Variants in ZGRF1 observed in about 807,000 individuals in gnomAD.
ZGRF1 encodes the protein zinc finger GRF-type containing 1.
In ZGRF1, 196 loss-of-function variants were observed where a neutral mutation model predicts 203.5. The observed-to-expected ratio is 0.96, with a 90% CI of 0.86 to 1.08. ZGRF1 has a LOEUF of 1.08. ZGRF1 is among the 50% of genes least tolerant of loss of function. The pLI is 0.00. For synonymous variants in ZGRF1, 809 were observed against 841.3 expected (o/e 0.96, Z 0.66); for missense variants, 2,326 against 2,416.3 (o/e 0.96, Z 0.78).
chr4:112,598,209 G>A (rs977323081), intron 10 of ZGRF1, among the ~76,000 whole-genome samples: 2 of 152,058 alleles, frequency 1.3e-5, no homozygotes, highest in African/African-American at 4.8e-5. Context: ...AGATGCCATA[G>A]GAAAATAATG....
In ZGRF1 at chr4:112,587,517, A is replaced by T. The variant is rs746881805; in HGVS notation, c.3540T>A (p.His1180Gln). 4 of 1,613,924 alleles carry T rather than the reference A, an allele frequency of 2.5e-6. No individual in the cohort carries two copies. Among genetic ancestry groups the T allele is most frequent in the Non-Finnish European group, 2.5e-6 (3 of 1,179,850 alleles). The change falls in exon 12 of 28, where the codon CAT becomes CAA. Residue 1180 changes from histidine to glutamine, a missense_variant. His to Gln is a conservative substitution (Grantham distance 24). Coordinates refer to ENST00000505019, the MANE Select transcript of ZGRF1 (RefSeq NM_018392.5). ...GFFAEAVSGM[H>Q]FRDTSERQSD... is the part of the protein sequence containing the mutation. ...TCTGTCTTTCACTTGTGTCTCTAAA[A>T]TGCATCCCAGAAACAGCCTCAGCAA...
intron 16 of ZGRF1, among the ~76,000 whole-genome samples, chr4:112,574,224 A>T (rs1744733367): frequency 6.6e-6 from 1 of 152,250 alleles, no homozygotes; most frequent in Non-Finnish European, 1.5e-5. Flanking sequence ...AACCCAAACA[A>T]CAATGAAAAC....
Position 112,617,448 on chromosome 4 carries a change from G to A in ZGRF1, c.2594C>T (p.Pro865Leu), listed in dbSNP as rs1309947339. The A allele has an allele frequency of 6.5e-7, 1 of 1,543,774 alleles. No homozygotes were observed. Among genetic ancestry groups the A allele is most frequent in the African/African-American group, 1.4e-5 (1 of 72,152 alleles). The change falls in exon 6 of 28, where the codon CCT becomes CTT. Residue 865 changes from proline (P) to leucine (L), a missense_variant. Pro to Leu is a moderately conservative substitution (Grantham distance 98, BLOSUM62 -3). Coordinates refer to ENST00000505019, the MANE Select transcript of ZGRF1 (RefSeq NM_018392.5). ...AGACATGCAATTCTAACCTTCAGGA[G>A]GGCTATCTGGCTCATACGTCTGTTG... ...GTQQTYEPDS[P>L]PEVRKPFITV...
intron 14 of ZGRF1, among the ~76,000 whole-genome samples, chr4:112,584,808 C>T (rs1422303810): frequency 5.3e-5 from 8 of 152,144 alleles, no homozygotes; most frequent in Admixed American, 3.9e-4. Flanking sequence ...TGGAAGCAAA[C>T]TGTATTATGA....
At chr4:112,603,033 CAT>C (rs1750217158) in intron 10 of ZGRF1, among the ~76,000 whole-genome samples, 1 of 151,722 alleles carries the variant, frequency 6.6e-6, no homozygotes, top group Admixed American at 6.6e-5. Flanking sequence ...TATTTCTTCT[CAT>C]ATGTATTATG....
intron 10 of ZGRF1, among the ~76,000 whole-genome samples, chr4:112,600,616 A>G (rs547929667): frequency 1.3e-5 from 2 of 152,142 alleles, no homozygotes; most frequent in East Asian, 3.9e-4. Context: ...ACTTGAACCC[A>G]GGAGGCGGAG....
chr4:112,635,906 A>C (rs1199776898), intron 1 of ZGRF1, among the ~76,000 whole-genome samples: 2 of 152,048 alleles, frequency 1.3e-5, no homozygotes, highest in African/African-American at 4.8e-5. Flanking sequence ...TGTACAGTTT[A>C]AAAAGAACTA....
chr4:112,542,800 TTTC>T lies in ZGRF1; in HGVS notation c.5599-1535_5599-1533del, dbSNP rs544546296. On this transcript the variant is annotated intron_variant, in intron 24 of 27. Coordinates refer to ENST00000505019, the MANE Select transcript of ZGRF1 (RefSeq NM_018392.5). ...TCCTTCCTTCCTTCCTTCTTTCTTT[TTTC>T]TTTTCTTTTCTTTTTCTTTCTTTCT... Among the ~76,000 whole-genome samples, 589 of 151,374 alleles carry T rather than the reference TTTC, an allele frequency of 3.9e-3. 6 individuals carry two copies. The highest frequency in any genetic ancestry group is 6.1e-3 in the Non-Finnish European group (412 of 67,884).
At chr4:112,555,796 T>C (rs1740822664) in intron 20 of ZGRF1, among the ~76,000 whole-genome samples, 2 of 152,194 alleles carry the variant, frequency 1.3e-5, no homozygotes, top group Admixed American at 6.5e-5. Context: ...CTATAAGCAA[T>C]TGAGGCACAG....
At chr4:112,616,556 GC>G (rs2046879311) in intron 6 of ZGRF1, among the ~76,000 whole-genome samples, 2 of 150,102 alleles carry the variant, frequency 1.3e-5, no homozygotes, top group Admixed American at 1.3e-4. Context: ...ACAATTATGG[GC>G]CAGGAGTGGT....
Position 112,618,571 on chromosome 4 carries a change from T to C in ZGRF1, c.1471A>G (p.Asn491Asp). The change falls in exon 6 of 28, where the codon AAT becomes GAT. Residue 491 changes from asparagine to aspartate, a missense_variant. By Grantham distance (23) the Asn-to-Asp change is conservative. Coordinates refer to ENST00000505019, the MANE Select transcript of ZGRF1 (RefSeq NM_018392.5). The stretch of plus-strand genomic sequence containing the variant: ...ATGTCATCAGAGATCCTAGAATTAT[T>C]ACTAGATTCAATTTGGAGATGTTTC... ...ELKHLQIESS[N>D]NSRISDDITD... The C allele has an allele frequency of 6.2e-7, 1 of 1,613,692 alleles. No homozygotes were observed. Among genetic ancestry groups the C allele is most frequent in the Non-Finnish European group, 8.5e-7 (1 of 1,179,826 alleles).
intron 16 of ZGRF1, among the ~76,000 whole-genome samples, chr4:112,573,160 AT>A (rs1403915989): frequency 8.3e-6 from 1 of 120,736 alleles, no homozygotes; most frequent in East Asian, 2.9e-4. Context: ...GGATAAAGAA[AT>A]TGTGATACAC....
chr4:112,623,754 A>C, intron 4 of ZGRF1, 63 bp downstream of exon 4: 1 of 784,796 alleles, frequency 1.3e-6, no homozygotes, highest in Non-Finnish European at 2.1e-6. Flanking sequence ...AATATTCATA[A>C]AGGAGGTATT....
intron 10 of ZGRF1, among the ~76,000 whole-genome samples, chr4:112,597,179 A>C (rs1283879578): frequency 2.1e-5 from 3 of 146,000 alleles, no homozygotes; most frequent in African/African-American, 7.7e-5. Flanking sequence ...ACACCACTGC[A>C]CTCCAGCCTG....
chr4:112,543,701 GAC>G, intron 24 of ZGRF1, among the ~76,000 whole-genome samples: 1 of 152,318 alleles, frequency 6.6e-6, no homozygotes, highest in Middle Eastern at 3.4e-3. Context: ...AGAAAGGAAT[GAC>G]AGTTTCTTTG....
chr4:112,591,920 A>G (rs1349800303), intron 10 of ZGRF1, among the ~76,000 whole-genome samples: 4 of 152,148 alleles, frequency 2.6e-5, no homozygotes, highest in Admixed American at 2.6e-4. Context: ...TGTAAGTTCT[A>G]TGAGGGAAAG....
Position 112,633,239 on chromosome 4 carries a change from C to G in ZGRF1, c.-63G>C, listed in dbSNP as rs2047471464. The G allele has an allele frequency of 1.6e-6, 2 of 1,262,298 alleles. No homozygotes were observed. The highest frequency in any genetic ancestry group is 2.3e-5 in the East Asian group (1 of 42,764). The allele number at this position is 1,262,298 out of a possible 1,614,324, so 78.2% of individuals were successfully genotyped here. A position where few individuals can be genotyped will look rare whatever the true frequency, so the allele number is the denominator to read the frequency against. ...AATAGGAAATATTCAACTATTTATA[C>G]CACCTAAAATTAAAAATGACATAAA... On this transcript the variant is annotated 5_prime_UTR_variant, in exon 2 of 28. Transcript: ENST00000505019.
At position 112,560,931 on chromosome 4, in the gene ZGRF1, T is replaced by C. The variant is rs748433979; in HGVS notation, c.4762A>G (p.Thr1588Ala). 8.7e-6 allele frequency: 14 copies of C among 1,612,606 alleles called. No homozygotes were observed. Among genetic ancestry groups the C allele is most frequent in the Non-Finnish European group, 1.1e-5 (13 of 1,178,948 alleles). Reference sequence around the variant, plus strand: ...AGTTCAAATTTTGTACTGACATTTGTGAAGGCTGGTGGGATAAATTTTCTC... The same window carrying C: ...AGTTCAAATTTTGTACTGACATTTGCGAAGGCTGGTGGGATAAATTTTCTC... ...SKRKFIPPAF[T>A]NVSTKFELLS... Residue 1588 changes from threonine (T) to alanine (A), a missense_variant, in exon 19 of 28, where the codon ACA becomes GCA. Transcript: ENST00000505019.
In ZGRF1 at chr4:112,539,540, T is replaced by C. The variant is rs1737115651; in HGVS notation, c.*7A>G. The C allele has an allele frequency of 4.9e-6, 6 of 1,236,544 alleles. No individual in the cohort carries two copies. Among genetic ancestry groups the C allele is most frequent in the Non-Finnish European group, 6.9e-6 (6 of 867,872 alleles). The allele number at this position is 1,236,544 out of a possible 1,614,324, so 76.6% of individuals were successfully genotyped here. On this transcript the variant is annotated 3_prime_UTR_variant, in exon 28 of 28. Transcript: ENST00000505019. Reference sequence around the variant, plus strand: ...ACATAAATACAAAATATTTACACCATGTCTTTTTATGAATGAGATTTATCT... The same window carrying C: ...ACATAAATACAAAATATTTACACCACGTCTTTTTATGAATGAGATTTATCT...
Sources: gnomAD v4.1 joint callset for allele counts (sites outside exome capture counted in the v4.1 genomes callset) on GRCh38, gnomAD v4.1.1 for gene constraint, MANE v1.5 for transcripts, NCBI Gene and HGNC (gene_info 2026-07-23, HGNC 2026-07-21) for gene names.